The following ELMO1 variants were observed in gnomAD, a reference collection of about 807,000 sequenced individuals.
The protein encoded by ELMO1 is engulfment and cell motility 1.
ELMO1 carries 26 observed loss-of-function variants against 98.9 expected under a neutral mutation model. The ratio of observed to expected loss-of-function variants is 0.26; its 90% CI spans 0.19 to 0.36. ELMO1 has a LOEUF of 0.36. Ranked by LOEUF, ELMO1 falls within the 10% of genes least tolerant of loss-of-function variation. ELMO1 has a pLI of 1.00. For synonymous variants in ELMO1, 346 were observed against 346.0 expected (o/e 1.00, Z 0.00); for missense variants, 627 against 935.2 (o/e 0.67, Z 4.30).
chr7:37,443,453 C>T (rs549759940), intron 1 of ELMO1, among the ~76,000 whole-genome samples: 1 of 152,294 alleles, frequency 6.6e-6, no homozygotes, highest in Admixed American at 6.5e-5. Context: ...AGCACTATGC[C>T]AGTTTGTTAC....
chr7:37,213,536 C>G, intron 11 of ELMO1, 79 bp from the exon 12 acceptor site: 1 of 1,377,488 alleles, frequency 7.3e-7, no homozygotes, highest in African/African-American at 1.4e-5. Context: ...CAAGAAGGCT[C>G]TCACAGTCTT....
At chr7:37,325,281 GT>G (rs1799740195) in intron 2 of ELMO1, among the ~76,000 whole-genome samples, 1 of 152,232 alleles carries the variant, frequency 6.6e-6, no homozygotes, top group African/African-American at 2.4e-5. Flanking sequence ...ACTTACTTTG[GT>G]GGCAGAGACT....
At chr7:36,871,803 A>G (rs1015880926) in intron 19 of ELMO1, among the ~76,000 whole-genome samples, 4 of 152,112 alleles carry the variant, frequency 2.6e-5, no homozygotes, top group Non-Finnish European at 5.9e-5. Flanking sequence ...ATCTGTTGAC[A>G]CTCCTAGAAT....
At chr7:37,123,747 T>A (rs139997483) in intron 14 of ELMO1, among the ~76,000 whole-genome samples, 4,543 of 152,234 alleles carry the variant, frequency 0.03, 238 homozygotes, top group African/African-American at 0.1. Flanking sequence ...AAACTATTCC[T>A]ATCAACAGAA....
At chr7:37,314,651 A>ATTTGGTCT (rs1799060666) in intron 4 of ELMO1, among the ~76,000 whole-genome samples, 199 bp downstream of exon 4, 1 of 152,152 alleles carries the variant, frequency 6.6e-6, no homozygotes, top group Admixed American at 6.5e-5. Flanking sequence ...CACGAAACAT[A>ATTTGGTCT]TTTGGTCTTT....
At chr7:37,285,586 A>G (rs776751193) in intron 4 of ELMO1, among the ~76,000 whole-genome samples, 3 of 152,204 alleles carry the variant, frequency 2.0e-5, no homozygotes, top group Non-Finnish European at 4.4e-5. Context: ...AATTGCACCA[A>G]ACATATAGAA....
intron 16 of ELMO1, among the ~76,000 whole-genome samples, chr7:36,976,251 T>G (rs1453111693): frequency 1.3e-5 from 2 of 152,224 alleles, no homozygotes; most frequent in Non-Finnish European, 2.9e-5. Context: ...TACTTCCCAT[T>G]TTCCCCACTC....
At chr7:37,349,342 C>T (rs1273945858) in intron 1 of ELMO1, among the ~76,000 whole-genome samples, 1 of 152,218 alleles carries the variant, frequency 6.6e-6, no homozygotes, top group Admixed American at 6.5e-5. Context: ...ACATTTTCCC[C>T]TTGCATTAGG....
chr7:37,257,984 A>C (rs59096400), intron 6 of ELMO1, among the ~76,000 whole-genome samples: 6,930 of 151,776 alleles, frequency 0.046, 372 homozygotes, highest in African/African-American at 0.12. Context: ...AAATACAAAA[A>C]TTAGGCCGGG....
intron 4 of ELMO1, among the ~76,000 whole-genome samples, chr7:37,288,882 T>C (rs1326268874): frequency 6.6e-6 from 1 of 152,240 alleles, no homozygotes; most frequent in African/African-American, 2.4e-5. Flanking sequence ...CTATATTCTA[T>C]GGCCAAGCAC....
intron 16 of ELMO1, among the ~76,000 whole-genome samples, chr7:36,989,060 C>A (rs1334246581): frequency 6.6e-6 from 1 of 152,166 alleles, no homozygotes; most frequent in Non-Finnish European, 1.5e-5. Context: ...AATTAATAAT[C>A]CAGGAATTAA....
chr7:37,155,373 G>T (rs763487158), intron 13 of ELMO1, among the ~76,000 whole-genome samples: 4 of 150,714 alleles, frequency 2.7e-5, no homozygotes, highest in Non-Finnish European at 5.9e-5. Flanking sequence ...TGGCAAACTG[G>T]ATAAAGAGTC....
At chr7:37,201,564 T>C (rs1388991720) in intron 13 of ELMO1, among the ~76,000 whole-genome samples, 1 of 152,220 alleles carries the variant, frequency 6.6e-6, no homozygotes, top group African/African-American at 2.4e-5. Flanking sequence ...CCAACAATGC[T>C]TCTAGTTCCT....
chr7:37,325,172 C>T (rs1799733742), intron 2 of ELMO1, among the ~76,000 whole-genome samples: 1 of 152,220 alleles, frequency 6.6e-6, no homozygotes, highest in Non-Finnish European at 1.5e-5. Flanking sequence ...CCTCCTTCTT[C>T]CTTAAAGTGA....
chr7:37,013,634 C>CCTAG (rs1211769852), intron 15 of ELMO1, 199 bp from the exon 16 acceptor site: 3 of 584,686 alleles, frequency 5.1e-6, no homozygotes, highest in Non-Finnish European at 8.9e-6. Context: ...GATAGTCAGA[C>CCTAG]CTAGCCTTAG....
Position 37,096,746 on chromosome 7 carries a change from C to G in ELMO1, c.1192-19G>C. Reference sequence around the variant, plus strand: ...GCACAATCTGTAATGGGAAAGGGAACAGATTAGAAAGGAAATTCAATTGTG... The same window carrying G: ...GCACAATCTGTAATGGGAAAGGGAAGAGATTAGAAAGGAAATTCAATTGTG... On this transcript the variant is annotated intron_variant, in intron 14 of 21. Transcript: ENST00000310758. The G allele has an allele frequency of 6.2e-7, 1 of 1,603,090 alleles. No individual in the cohort carries two copies. Among genetic ancestry groups the G allele is most frequent in the South Asian group, 1.1e-5 (1 of 90,880 alleles).
intron 16 of ELMO1, among the ~76,000 whole-genome samples, chr7:37,004,719 T>C (rs895249649): frequency 2.0e-5 from 3 of 152,236 alleles, no homozygotes; most frequent in Non-Finnish European, 2.9e-5. Flanking sequence ...GCTCCTGTTA[T>C]AGAAAATGTC....
intron 18 of ELMO1, among the ~76,000 whole-genome samples, chr7:36,883,346 G>A (rs926196612): frequency 2.0e-5 from 3 of 152,220 alleles, no homozygotes; most frequent in African/African-American, 7.2e-5. Flanking sequence ...TAAAATACAA[G>A]AGAAGTAGGG....
chr7:37,108,920 C>T (rs1288704807), intron 14 of ELMO1, among the ~76,000 whole-genome samples: 1 of 152,200 alleles, frequency 6.6e-6, no homozygotes, highest in Non-Finnish European at 1.5e-5. Flanking sequence ...TAACTTATTA[C>T]AACTATATGT....
Sources: allele counts gnomAD v4.1 joint callset (sites outside exome capture counted in the v4.1 genomes callset), GRCh38; gene constraint gnomAD v4.1.1; transcripts MANE v1.5; gene names NCBI Gene and HGNC (gene_info 2026-07-23, HGNC 2026-07-21).